Variants in TRANK1 observed in about 807,000 individuals in gnomAD.
TRANK1 encodes the protein TPR and ankyrin repeat-containing protein 1.
Under a neutral mutation model 266.0 loss-of-function variants are expected in TRANK1, and 198 were observed. The observed-to-expected ratio is 0.74, with a 90% confidence interval of 0.66 to 0.84. The LOEUF is 0.84. Among genes scored for constraint, TRANK1 ranks in the 40% least tolerant of loss-of-function variants. The pLI is 0.00. For missense variants in TRANK1, 3,326 were observed against 3,634.6 expected (o/e 0.92, Z 2.18); for synonymous variants, 1,396 against 1,384.1 (o/e 1.01, Z -0.19).
rs370047686 is a variant in TRANK1 at position 36,874,181 on chromosome 3, G to C, written c.1023C>G (p.Ile341Met). 4.6e-6 allele frequency: 7 copies of C among 1,537,238 alleles called. No homozygotes were observed. Among genetic ancestry groups the C allele is most frequent in the Middle Eastern group, 1.7e-4 (1 of 6,016 alleles). ...VLKRNKNFKA[I>M]EKINSHLEKL... is the part of the protein sequence containing the mutation. ...TTTCTAAGTGACTGTTGATTTTCTC[G>C]ATGGCTTTGAAGTTCTTATTCCTCT... Residue 341 changes from isoleucine to methionine, a missense_variant, in exon 9 of 24, where the codon ATC becomes ATG. By Grantham distance (10) the Ile-to-Met change is conservative (BLOSUM62 1). Transcript: ENST00000645898.
At position 36,892,354 on chromosome 3, in the gene TRANK1, A is replaced by C. The variant is rs758134996; in HGVS notation, c.637-14T>G. 1.3e-5 allele frequency: 20 copies of C among 1,536,968 alleles called. No individual in the cohort carries two copies. Among genetic ancestry groups the C allele is most frequent in the Non-Finnish European group, 1.7e-5 (20 of 1,146,832 alleles). Reference sequence around the variant, plus strand: ...GAAAACGTATTTCTGGGGAAAAAAAACACACAGGACAAATTATGGAAGTCA... The same window carrying C: ...GAAAACGTATTTCTGGGGAAAAAAACCACACAGGACAAATTATGGAAGTCA... On this transcript the variant is annotated splice_polypyrimidine_tract_variant and intron_variant, in intron 6 of 23. Transcript: ENST00000645898.
Position 36,838,365 on chromosome 3 carries a change from G to C in TRANK1, c.5517+7C>G. ...TCCCTGGAGCAGCAGCGGACTAGGAGCCATACCTTTCCCAGCCTCTCGCAC... is the reference window on the plus strand; with the variant it reads ...TCCCTGGAGCAGCAGCGGACTAGGACCCATACCTTTCCCAGCCTCTCGCAC... On this transcript the variant is annotated splice_region_variant and intron_variant, in intron 20 of 23. Coordinates refer to ENST00000645898, the MANE Select transcript of TRANK1 (RefSeq NM_001329998.2). 6.2e-7 allele frequency: 1 copy of C among 1,613,880 alleles called. No homozygotes were observed. The highest frequency in any genetic ancestry group is 2.2e-5 in the East Asian group (1 of 44,884).
chr3:36,883,534 CA>C (rs34266450), intron 8 of TRANK1, among the ~76,000 whole-genome samples: 42,738 of 134,336 alleles, frequency 0.32, 6,528 homozygotes, highest in East Asian at 0.58. Context: ...ACTCTTCATG[CA>C]AAAAAAAAAA....
intron 16 of TRANK1, among the ~76,000 whole-genome samples, chr3:36,846,720 G>A (rs1474012239): frequency 6.6e-6 from 1 of 152,088 alleles, no homozygotes; most frequent in African/African-American, 2.4e-5. Context: ...AGTTAATTCT[G>A]AAGTAATTAT....
intron 17 of TRANK1, among the ~76,000 whole-genome samples, chr3:36,844,197 A>G (rs1413001735): frequency 1.3e-5 from 2 of 152,230 alleles, no homozygotes; most frequent in South Asian, 2.1e-4. Flanking sequence ...CTTAGCTTCT[A>G]TGATCTTTGG....
chr3:36,851,545 G>A, intron 15 of TRANK1, 174 bp downstream of exon 15: 1 of 1,213,240 alleles, frequency 8.2e-7, no homozygotes, highest in South Asian at 1.8e-5. Context: ...CACAGCTAAT[G>A]TCAAAACCCA....
intron 5 of TRANK1, among the ~76,000 whole-genome samples, chr3:36,895,400 T>C (rs1259907413): frequency 6.6e-6 from 1 of 152,272 alleles, no homozygotes; most frequent in Non-Finnish European, 1.5e-5. Context: ...ATCTGTACTT[T>C]ACATTTCTTT....
At position 36,855,808 on chromosome 3, in the gene TRANK1, T is replaced by C. The variant is rs1229530130; in HGVS notation, c.3914A>G (p.Asp1305Gly). ...ACCCGTACGCATTTCTACAGCTTTATCCTCCTCACTGTAGTCCCCATCCAC... is the reference window on the plus strand; with the variant it reads ...ACCCGTACGCATTTCTACAGCTTTACCCTCCTCACTGTAGTCCCCATCCAC... ...AEVDGDYSEE[D>G]KAVEMRTGDS... The change falls in exon 13 of 24, where the codon GAT becomes GGT. Residue 1305 changes from aspartate (D) to glycine (G), a missense_variant. Coordinates refer to ENST00000645898, the MANE Select transcript of TRANK1 (RefSeq NM_001329998.2). 1 of 1,613,686 alleles carries C rather than the reference T, an allele frequency of 6.2e-7. No individual in the cohort carries two copies. Among genetic ancestry groups the C allele is most frequent in the South Asian group, 1.1e-5 (1 of 91,064 alleles).
chr3:36,902,073 G>A (rs2079891326), intron 3 of TRANK1, among the ~76,000 whole-genome samples: 1 of 151,974 alleles, frequency 6.6e-6, no homozygotes, highest in African/African-American at 2.4e-5. Context: ...AATTGTCTTG[G>A]GCTACTTATA....
Position 36,852,244 on chromosome 3 carries a change from T to C in TRANK1, c.4651A>G (p.Lys1551Glu), listed in dbSNP as rs750327709. Reference protein sequence around the residue: ...PRDSGLFDGPKPTVLESCSVS... With the variant: ...PRDSGLFDGPEPTVLESCSVS... ...CTACAAGACTCCAGAACAGTTGGCT[T>C]AGGACCATCAAAGAGGCCAGAATCC... Residue 1551 changes from lysine to glutamate, a missense_variant, in exon 14 of 24, where the codon AAG becomes GAG. Lys to Glu is a moderately conservative substitution (Grantham distance 56). Transcript: ENST00000645898. 6.2e-7 allele frequency: 1 copy of C among 1,613,830 alleles called. No homozygotes were observed. Among genetic ancestry groups the C allele is most frequent in the Admixed American group, 1.7e-5 (1 of 59,980 alleles).
At chr3:36,839,942 T>A (rs2078820894) in intron 18 of TRANK1, among the ~76,000 whole-genome samples, 1 of 152,240 alleles carries the variant, frequency 6.6e-6, no homozygotes, top group African/African-American at 2.4e-5. Flanking sequence ...ATAAACCACC[T>A]GAGTCCTGAA....
intron 1 of TRANK1, chr3:36,929,444 G>T (rs932406566): frequency 6.6e-6 from 1 of 152,046 alleles, no homozygotes; most frequent in Admixed American, 6.6e-5. Context: ...TTAAAGTCAG[G>T]TACTAACATG....
chr3:36,906,114 C>T (rs2079963643), intron 2 of TRANK1, among the ~76,000 whole-genome samples: 1 of 152,188 alleles, frequency 6.6e-6, no homozygotes, highest in Non-Finnish European at 1.5e-5. Flanking sequence ...TTGCCTTGAT[C>T]GAGGATCTCT....
intron 8 of TRANK1, among the ~76,000 whole-genome samples, chr3:36,878,181 G>T (rs1238697229): frequency 6.6e-6 from 1 of 152,168 alleles, no homozygotes; most frequent in African/African-American, 2.4e-5. Flanking sequence ...CAACCCTGTT[G>T]TGAACTACGC....
rs901790977 is a variant in TRANK1 at position 36,864,465 on chromosome 3, T to A, written c.1094A>T (p.Asp365Val). The change falls in exon 10 of 24, where the codon GAT becomes GTT. Residue 365 changes from aspartate (D) to valine (V), a missense_variant. Coordinates refer to ENST00000645898, the MANE Select transcript of TRANK1 (RefSeq NM_001329998.2). ...SKDLSGFSNG[D>V]GPTSENDIFR... ...AATGTCGTTTTCACTAGTGGGTCCA[T>A]CACCATTGCTGAATCCTACAAAACA... The A allele has an allele frequency of 3.3e-6, 5 of 1,533,728 alleles. No homozygotes were observed. The highest frequency in any genetic ancestry group is 2.4e-5 in the East Asian group (1 of 40,890).
At chr3:36,848,455 T>C (rs908977043) in intron 15 of TRANK1, among the ~76,000 whole-genome samples, 4 of 152,232 alleles carry the variant, frequency 2.6e-5, no homozygotes, top group Admixed American at 6.5e-5. Context: ...CATACTTTCC[T>C]GTGTCTTGTG....
chr3:36,830,766 T>C (rs772949844), intron 22 of TRANK1, 107 bp downstream of exon 22: 87 of 1,270,670 alleles, frequency 6.8e-5, no homozygotes, highest in Non-Finnish European at 8.9e-5. Flanking sequence ...AAGGCCAAGA[T>C]TCCACCATCC....
intron 1 of TRANK1, among the ~76,000 whole-genome samples, chr3:36,912,902 T>TTTGC (rs1575307126): frequency 1.3e-5 from 2 of 152,146 alleles, no homozygotes; most frequent in Non-Finnish European, 2.9e-5. Context: ...GGGTTTTTTG[T>TTTGC]TTGCTTGCTT....
intron 1 of TRANK1, among the ~76,000 whole-genome samples, chr3:36,941,756 G>A (rs1327657273): frequency 1.3e-5 from 2 of 152,194 alleles, no homozygotes; most frequent in Non-Finnish European, 2.9e-5. Flanking sequence ...AACTGTTACA[G>A]TGTCATCTTT....
Sources: allele counts gnomAD v4.1 joint callset (sites outside exome capture counted in the v4.1 genomes callset), GRCh38; gene constraint gnomAD v4.1.1; transcripts MANE v1.5; gene names NCBI Gene and HGNC (gene_info 2026-07-23, HGNC 2026-07-21).